CHCHD3: variants seen among roughly 807,000 people sequenced by gnomAD.
CHCHD3 encodes MICOS complex subunit MIC19.
In CHCHD3, 20 loss-of-function variants were observed where a neutral mutation model predicts 38.2. That is an observed-to-expected ratio of 0.52 (90% CI 0.37 to 0.76). The LOEUF (loss-of-function observed/expected upper bound fraction) is 0.76, where lower values mean the gene tolerates loss of function less well. CHCHD3 is among the 30% of genes least tolerant of loss of function. The pLI is 0.00. For synonymous variants in CHCHD3, 82 were observed against 100.0 expected (o/e 0.82, Z 1.07); for missense variants, 245 against 279.2 (o/e 0.88, Z 0.87).
intron 3 of CHCHD3, among the ~76,000 whole-genome samples, chr7:132,991,000 T>A (rs1206629415): frequency 6.9e-6 from 1 of 145,338 alleles, no homozygotes; most frequent in African/African-American, 2.7e-5. Flanking sequence ...TCATTCTGTC[T>A]CTTTTTATAC....
chr7:133,007,536 G>A (rs974778992), intron 3 of CHCHD3, among the ~76,000 whole-genome samples: 4 of 152,104 alleles, frequency 2.6e-5, no homozygotes, highest in Non-Finnish European at 5.9e-5. Context: ...GGCTGGCCCC[G>A]CACCAGCAGT....
chr7:132,959,027 C>T (rs980902358), intron 4 of CHCHD3, among the ~76,000 whole-genome samples: 38 of 152,328 alleles, frequency 2.5e-4, no homozygotes, highest in African/African-American at 8.7e-4. Context: ...TTCCAGCACA[C>T]TTGCCCTTAA....
intron 1 of CHCHD3, among the ~76,000 whole-genome samples, chr7:133,078,284 G>C (rs1185046548): frequency 6.6e-6 from 1 of 152,184 alleles, no homozygotes; most frequent in African/African-American, 2.4e-5. Context: ...CCTCCAGCCT[G>C]GGTGACAGAG....
At chr7:132,998,932 GT>G (rs1812494488) in intron 3 of CHCHD3, among the ~76,000 whole-genome samples, 1 of 152,140 alleles carries the variant, frequency 6.6e-6, no homozygotes, top group Non-Finnish European at 1.5e-5. Context: ...TGACAAATCA[GT>G]TAACTAATAC....
At chr7:132,787,490 A>C (rs987348680) in intron 7 of CHCHD3, among the ~76,000 whole-genome samples, 5 of 152,092 alleles carry the variant, frequency 3.3e-5, no homozygotes, top group Non-Finnish European at 7.4e-5. Flanking sequence ...CAAGAGAAAC[A>C]GGGAAGTCAG....
chr7:132,840,976 A>G (rs1807925829), intron 5 of CHCHD3, among the ~76,000 whole-genome samples: 1 of 152,096 alleles, frequency 6.6e-6, no homozygotes, highest in Non-Finnish European at 1.5e-5. Context: ...AAAACTTAGC[A>G]CATAGTTCTC....
At chr7:132,927,566 A>T (rs1192916708) in intron 4 of CHCHD3, among the ~76,000 whole-genome samples, 2 of 152,272 alleles carry the variant, frequency 1.3e-5, no homozygotes, top group African/African-American at 4.8e-5. Flanking sequence ...GGTTAAAAAC[A>T]GCTTGAATTT....
intron 5 of CHCHD3, among the ~76,000 whole-genome samples, chr7:132,867,501 G>A (rs1415062746): frequency 6.6e-6 from 1 of 152,152 alleles, no homozygotes; most frequent in Non-Finnish European, 1.5e-5. Flanking sequence ...ACTTACAGAG[G>A]TAGGTTTTTG....
chr7:132,866,732 A>C (rs563572637), intron 5 of CHCHD3, among the ~76,000 whole-genome samples: 1 of 152,350 alleles, frequency 6.6e-6, no homozygotes, highest in African/African-American at 2.4e-5. Flanking sequence ...ATCTGCTAAC[A>C]AAGTACAGAC....
At chr7:132,894,614 T>A (rs1489729197) in intron 4 of CHCHD3, among the ~76,000 whole-genome samples, 1 of 152,200 alleles carries the variant, frequency 6.6e-6, no homozygotes, top group Non-Finnish European at 1.5e-5. Flanking sequence ...GAGAAGGGCT[T>A]TCCTCCTCTC....
chr7:132,956,602 A>G (rs1256023010), intron 4 of CHCHD3, among the ~76,000 whole-genome samples: 1 of 152,232 alleles, frequency 6.6e-6, no homozygotes, highest in Non-Finnish European at 1.5e-5. Flanking sequence ...AGGTCTATCA[A>G]TGATCATCAT....
intron 5 of CHCHD3, among the ~76,000 whole-genome samples, chr7:132,878,893 G>A (rs1207625904): frequency 1.3e-5 from 2 of 152,148 alleles, no homozygotes; most frequent in Admixed American, 6.5e-5. Flanking sequence ...TTAGAGACAG[G>A]GTTCAGAAGT....
Position 132,995,217 on chromosome 7 carries a change from T to C in CHCHD3, c.252-19931A>G, listed in dbSNP as rs900385464. On this transcript the variant is annotated intron_variant, in intron 3 of 7. Coordinates refer to ENST00000262570, the MANE Select transcript of CHCHD3 (RefSeq NM_017812.4). ...CATTCCCTTACTTGGTATTTTCTTT[T>C]TTTAAAACCATTTTATTGAGGTATG... Among the ~76,000 whole-genome samples, 3 of 152,318 alleles carry C rather than the reference T, an allele frequency of 2.0e-5. No homozygotes were observed. The East Asian group carries it at 5.8e-4, about 29-fold the overall frequency.
At chr7:132,885,935 A>AT (rs530579905) in intron 4 of CHCHD3, among the ~76,000 whole-genome samples, 190 bp from the exon 5 acceptor site, 8 of 151,946 alleles carry the variant, frequency 5.3e-5, no homozygotes, top group Non-Finnish European at 8.8e-5. Flanking sequence ...TCCGCATTGT[A>AT]TTTTTTTTCC....
Position 132,862,374 on chromosome 7 carries a change from C to T in CHCHD3, c.453+23288G>A, listed in dbSNP as rs547410366. On this transcript the variant is annotated intron_variant, in intron 5 of 7. Coordinates refer to ENST00000262570, the MANE Select transcript of CHCHD3 (RefSeq NM_017812.4). ...GAGTCATGCAAACTTTTTGGTTTCCCAGTGCGTATAAAAGTCATGTTTATA... is the reference window on the plus strand; with the variant it reads ...GAGTCATGCAAACTTTTTGGTTTCCTAGTGCGTATAAAAGTCATGTTTATA... Among the ~76,000 whole-genome samples the T allele has an allele frequency of 4.6e-5, 7 of 152,262 alleles. No homozygotes were observed. In the South Asian group the frequency reaches 1.5e-3, roughly 32 times the overall value.
chr7:133,056,374 C>T (rs1181925800), intron 2 of CHCHD3, among the ~76,000 whole-genome samples: 1 of 152,160 alleles, frequency 6.6e-6, no homozygotes, highest in African/African-American at 2.4e-5. Context: ...AATGCCCTTT[C>T]TCCTCCTCGC....
intron 4 of CHCHD3, among the ~76,000 whole-genome samples, chr7:132,946,428 C>T (rs1393841386): frequency 6.6e-6 from 1 of 151,812 alleles, no homozygotes; most frequent in Admixed American, 6.6e-5. Context: ...GAGAAGAGCT[C>T]CTCTATGGTG....
intron 2 of CHCHD3, among the ~76,000 whole-genome samples, chr7:133,033,928 G>A (rs1468066029): frequency 1.4e-5 from 2 of 142,220 alleles, no homozygotes; most frequent in African/African-American, 5.5e-5. Context: ...GGTACAAATT[G>A]CAACCTAAAC....
intron 5 of CHCHD3, among the ~76,000 whole-genome samples, chr7:132,875,006 T>G (rs1052157295): frequency 6.6e-6 from 1 of 151,870 alleles, no homozygotes; most frequent in Non-Finnish European, 1.5e-5. Flanking sequence ...ATTCCAACAG[T>G]GAAATTCTAC....
Sources: gnomAD v4.1 joint callset for allele counts (sites outside exome capture counted in the v4.1 genomes callset) on GRCh38, gnomAD v4.1.1 for gene constraint, MANE v1.5 for transcripts, NCBI Gene and HGNC (gene_info 2026-07-23, HGNC 2026-07-21) for gene names.